XRCC5: variants seen among roughly 807,000 people sequenced by gnomAD.
XRCC5 encodes the protein X-ray repair cross complementing 5.
In XRCC5, 12 loss-of-function variants were observed where a neutral mutation model predicts 95.7. That is an observed-to-expected ratio of 0.13 (90% CI 0.08 to 0.20). XRCC5 has a LOEUF of 0.20. Ranked by LOEUF, XRCC5 falls within the 10% of genes least tolerant of loss-of-function variation. The pLI is 1.00. For synonymous variants in XRCC5, 281 were observed against 290.3 expected, an observed-to-expected ratio of 0.97 and a Z score of 0.33; for missense variants, 595 against 873.9, an observed-to-expected ratio of 0.68 and a Z score of 4.02.
At chr2:216,146,455 T>TTG (rs1688635907) in intron 13 of XRCC5, among the ~76,000 whole-genome samples, 2 of 148,548 alleles carry the variant, frequency 1.3e-5, no homozygotes, top group African/African-American at 5.3e-5. Flanking sequence ...GAGCAGTATT[T>TTG]TGAAATTACA....
At chr2:216,158,321 C>A (rs1222098551) in intron 14 of XRCC5, among the ~76,000 whole-genome samples, 2 of 152,120 alleles carry the variant, frequency 1.3e-5, no homozygotes, top group Admixed American at 1.3e-4. Flanking sequence ...ACTCTAAACT[C>A]TAGATAGATA....
chr2:216,188,816 A>G (rs1689558115), intron 16 of XRCC5, among the ~76,000 whole-genome samples: 1 of 152,170 alleles, frequency 6.6e-6, no homozygotes, highest in Non-Finnish European at 1.5e-5. Flanking sequence ...TCTATTTTGA[A>G]TTGTAATTGG....
intron 16 of XRCC5, among the ~76,000 whole-genome samples, chr2:216,174,030 G>T: frequency 6.6e-6 from 1 of 152,154 alleles, no homozygotes; most frequent in South Asian, 2.1e-4. Flanking sequence ...TTGGTAACAG[G>T]AAAATACTGG....
At chr2:216,126,384 C>T (rs1255027355) in intron 7 of XRCC5, among the ~76,000 whole-genome samples, 1 of 152,042 alleles carries the variant, frequency 6.6e-6, no homozygotes, top group Non-Finnish European at 1.5e-5. Context: ...AGATAATGCA[C>T]CAAAGTTAAG....
At chr2:216,202,680 G>C (rs1246396767) in intron 19 of XRCC5, among the ~76,000 whole-genome samples, 1 of 152,132 alleles carries the variant, frequency 6.6e-6, no homozygotes, top group Non-Finnish European at 1.5e-5. Flanking sequence ...ATCCATAAAT[G>C]TCCTTAAAAG....
chr2:216,190,454 A>T, intron 17 of XRCC5, 120 bp downstream of exon 17: 4 of 764,784 alleles, frequency 5.2e-6, no homozygotes, highest in Non-Finnish European at 8.4e-6. Flanking sequence ...CAATATGAAT[A>T]GCAGTGTATG....
chr2:216,116,079 A>T (rs573053896), intron 2 of XRCC5, among the ~76,000 whole-genome samples: 1 of 152,304 alleles, frequency 6.6e-6, no homozygotes, highest in Non-Finnish European at 1.5e-5. Context: ...ATTCATTTTT[A>T]CTGGAGTATG....
At chr2:216,189,690 A>T (rs541303064) in intron 16 of XRCC5, among the ~76,000 whole-genome samples, 55 of 152,180 alleles carry the variant, frequency 3.6e-4, no homozygotes, top group Non-Finnish European at 6.9e-4. Context: ...TTCGAAAGGG[A>T]TATTTTGTTA....
intron 2 of XRCC5, 24 bp from the exon 3 acceptor site, chr2:216,116,635 C>T (rs757056697): frequency 1.3e-5 from 21 of 1,613,714 alleles, no homozygotes; most frequent in Non-Finnish European, 1.8e-5. Flanking sequence ...ATATGGTTTT[C>T]AGCCATCTGA....
chr2:216,110,683 G>A (rs1386064438), intron 1 of XRCC5: 1 of 152,142 alleles, frequency 6.6e-6, no homozygotes, highest in East Asian at 1.9e-4. Context: ...ACCCTTTGAT[G>A]GCACTTACTG....
intron 9 of XRCC5, among the ~76,000 whole-genome samples, chr2:216,131,747 G>A (rs1239904085): frequency 6.6e-6 from 1 of 152,140 alleles, no homozygotes; most frequent in Non-Finnish European, 1.5e-5. Context: ...TTCATCATCT[G>A]ATCTTTGTTA....
chr2:216,171,574 T>A (rs1292351208), intron 16 of XRCC5, among the ~76,000 whole-genome samples: 1 of 152,256 alleles, frequency 6.6e-6, no homozygotes, highest in Non-Finnish European at 1.5e-5. Context: ...TCTGTAGTTA[T>A]CTGTTCATGT....
chr2:216,123,662 T>C, intron 6 of XRCC5, among the ~76,000 whole-genome samples: 1 of 152,070 alleles, frequency 6.6e-6, no homozygotes, highest in Admixed American at 6.6e-5. Context: ...AAAAATTAGC[T>C]GGGCATGGTG....
At chr2:216,172,604 G>T (rs1415305784) in intron 16 of XRCC5, among the ~76,000 whole-genome samples, 3 of 151,642 alleles carry the variant, frequency 2.0e-5, no homozygotes, top group African/African-American at 7.3e-5. Context: ...GAGTAGCTGG[G>T]ATTACAGGCA....
chr2:216,116,628 T>C (rs1330718183), intron 2 of XRCC5, 31 bp from the exon 3 acceptor site: 4 of 1,613,622 alleles, frequency 2.5e-6, no homozygotes, highest in African/African-American at 1.3e-5. Context: ...TGTTCTAATA[T>C]GGTTTTCAGC....
At chr2:216,175,470 A>G in intron 16 of XRCC5, 1 of 508,380 alleles carries the variant, frequency 2.0e-6, no homozygotes, top group Non-Finnish European at 3.9e-6. Flanking sequence ...GTGCTTGTTA[A>G]TAGTGTGGTG....
At chr2:216,116,238 C>T (rs1445155237) in intron 2 of XRCC5, among the ~76,000 whole-genome samples, 1 of 151,936 alleles carries the variant, frequency 6.6e-6, no homozygotes, top group East Asian at 1.9e-4. Context: ...ATATGCCTGC[C>T]CCTGAAATTG....
At chr2:216,163,923 G>T (rs7589448) in intron 16 of XRCC5, among the ~76,000 whole-genome samples, 21,375 of 152,180 alleles carry the variant, frequency 0.14, 1,607 homozygotes, top group African/African-American at 0.19. Flanking sequence ...GCTAAAAGTT[G>T]CCATATAGGA....
rs766909899 is a variant in XRCC5, at chr2:216,122,288, TG to T, written c.683+36del. 6.4e-6 allele frequency: 10 copies of T among 1,563,274 alleles called. No individual in the cohort carries two copies. The South Asian group carries it at 1.0e-4, about 16-fold the overall frequency. ...GAAAACATTGATGGGAATTTTTAAT[TG>T]TACCCACGTAAATTTCTCTTTTGAT... On this transcript the variant is annotated intron_variant, in intron 6 of 20. Coordinates refer to ENST00000392132, the MANE Select transcript of XRCC5 (RefSeq NM_021141.4).
Sources: allele counts gnomAD v4.1 joint callset (sites outside exome capture counted in the v4.1 genomes callset), GRCh38; gene constraint gnomAD v4.1.1; transcripts MANE v1.5; gene names NCBI Gene and HGNC (gene_info 2026-07-23, HGNC 2026-07-21).